The following MGRN1 variants were observed in gnomAD, a reference collection of about 807,000 sequenced individuals.
MGRN1 encodes the protein E3 ubiquitin-protein ligase MGRN1.
A neutral mutation model predicts 69.2 loss-of-function variants in MGRN1; 29 were observed. The ratio of observed to expected loss-of-function variants is 0.42; its 90% CI spans 0.31 to 0.57. The LOEUF (loss-of-function observed/expected upper bound fraction) is 0.57, where lower values mean the gene tolerates loss of function less well. MGRN1 is among the 20% of genes least tolerant of loss of function. The pLI is 0.15. For missense variants in MGRN1, 998 were observed against 796.2 expected (o/e 1.25, Z -3.05); for synonymous variants, 470 against 344.2 (o/e 1.37, Z -4.04).
At chr16:4,687,253 T>C in intron 16 of MGRN1, 1 of 985,366 alleles carries the variant, frequency 1.0e-6, no homozygotes, top group Non-Finnish European at 1.2e-6. Context: ...GGTGAGTGTT[T>C]TACAGAAGGC....
chr16:4,643,174 T>TTGTGATC (rs1262273892), intron 1 of MGRN1, among the ~76,000 whole-genome samples: 1 of 152,012 alleles, frequency 6.6e-6, no homozygotes, highest in Non-Finnish European at 1.5e-5. Context: ...CAGGCTGGTC[T>TTGTGATC]CAATCTCGAT....
At chr16:4,686,409 G>A (rs1275915025) in intron 16 of MGRN1, 3 of 1,471,992 alleles carry the variant, frequency 2.0e-6, no homozygotes, top group East Asian at 2.6e-5. Context: ...TTGGGTCTTC[G>A]TCCGCATCCG....
intron 1 of MGRN1, among the ~76,000 whole-genome samples, chr16:4,626,292 A>G (rs1897675170): frequency 1.3e-5 from 2 of 152,338 alleles, no homozygotes; most frequent in East Asian, 1.9e-4. Context: ...CAGGCCCAGC[A>G]GCGGGTCAGC....
chr16:4,679,759 A>G lies in MGRN1; in HGVS notation c.1066-273A>G, dbSNP rs1478866576. The stretch of plus-strand genomic sequence containing the variant: ...CCAAATCTGTTGCCCCAGGTGACCC[A>G]GACTGCGGGGGGACAGGCAATGGGG... On this transcript the variant is annotated intron_variant, in intron 11 of 16. Coordinates refer to ENST00000262370, the MANE Select transcript of MGRN1 (RefSeq NM_015246.4). Among the ~76,000 whole-genome samples, 3 of 152,196 alleles carry G rather than the reference A, an allele frequency of 2.0e-5. No individual in the cohort carries two copies. The East Asian group carries it at 5.8e-4, about 29-fold the overall frequency.
Position 4,683,132 on chromosome 16 carries a change from G to C in MGRN1, c.1483-92G>C, listed in dbSNP as rs558599390. 933 of 1,553,444 alleles carry C rather than the reference G, an allele frequency of 6.0e-4. 1 individual carries two copies. The highest frequency in any genetic ancestry group is 7.9e-4 in the Non-Finnish European group (890 of 1,132,598). ...GCACCCCCTGGTGGAGCGGCTGTGC[G>C]GTCCCGGGAGGGCCGTGCCTGATGG... On this transcript the variant is annotated intron_variant, in intron 14 of 16. Coordinates refer to ENST00000262370, the MANE Select transcript of MGRN1 (RefSeq NM_015246.4).
At chr16:4,673,445 GC>G in intron 9 of MGRN1, 52 bp from the exon 10 acceptor site, 1 of 1,587,542 alleles carries the variant, frequency 6.3e-7, no homozygotes, top group Non-Finnish European at 8.6e-7. Flanking sequence ...GGAAGCAGGA[GC>G]CGTACTCTGG....
In MGRN1 at chr16:4,681,577, G is replaced by A. The variant is rs369202298; in HGVS notation, c.1159G>A (p.Glu387Lys). The change falls in exon 13 of 17, where the codon GAG (glutamate) becomes AAG (lysine). Residue 387 changes from glutamate to lysine, a missense_variant. By Grantham distance (56) the Glu-to-Lys change is moderately conservative (BLOSUM62 1). Transcript: ENST00000262370. Reference sequence around the variant, plus strand: ...CTCTGACAGCGTCCCACCTGGCTACGAGCCCATCTCGCTGCTCGAGGCGCT... The same window carrying A: ...CTCTGACAGCGTCCCACCTGGCTACAAGCCCATCTCGCTGCTCGAGGCGCT... ...TNSDSVPPGY[E>K]PISLLEALNG... The A allele has an allele frequency of 3.7e-6, 6 of 1,613,208 alleles. No individual in the cohort carries two copies. Among genetic ancestry groups the A allele is most frequent in the African/African-American group, 1.3e-5 (1 of 74,950 alleles).
At chr16:4,627,276 G>A (rs559177275) in intron 1 of MGRN1, among the ~76,000 whole-genome samples, 2 of 152,334 alleles carry the variant, frequency 1.3e-5, no homozygotes, top group Admixed American at 1.3e-4. Context: ...AAGAGTCACT[G>A]GGTGGTAATA....
rs1045518 is a variant in MGRN1 at position 4,690,440 on chromosome 16, G to C, written c.*1532G>C. ...GGCTCACGGTGGCTCCGAGCATGAGGTCCGCCTCCTGGGCGAGACCCAGCA... is the reference window on the plus strand; with the variant it reads ...GGCTCACGGTGGCTCCGAGCATGAGCTCCGCCTCCTGGGCGAGACCCAGCA... On this transcript the variant is annotated 3_prime_UTR_variant, in exon 17 of 17. Transcript: ENST00000262370. The C allele has an allele frequency of 0.54, 81,798 of 151,602 alleles. 22,354 individuals are homozygous for C. Among genetic ancestry groups the C allele is most frequent in the East Asian group, 0.65 (3,313 of 5,118 alleles). The allele number at this position is 151,602 out of a possible 1,614,324, so 9.4% of individuals were successfully genotyped here.
intron 1 of MGRN1, among the ~76,000 whole-genome samples, chr16:4,628,835 A>G (rs1429645653): frequency 3.3e-5 from 5 of 150,462 alleles, no homozygotes; most frequent in Non-Finnish European, 7.4e-5. Context: ...GTGAGCCACT[A>G]TGCCCAGCCT....
intron 5 of MGRN1, among the ~76,000 whole-genome samples, chr16:4,658,007 G>A (rs920051403): frequency 1.3e-5 from 2 of 151,336 alleles, no homozygotes; most frequent in Non-Finnish European, 2.9e-5. Flanking sequence ...CTCCCAAAGT[G>A]CTGGGATTAC....
At position 4,689,617 on chromosome 16, in the gene MGRN1, G is replaced by T. The variant is rs1041940934; in HGVS notation, c.*709G>T. The T allele has an allele frequency of 6.6e-6, 1 of 152,312 alleles. No individual in the cohort carries two copies. Among genetic ancestry groups the T allele is most frequent in the African/African-American group, 2.4e-5 (1 of 41,472 alleles). The allele number at this position is 152,312 out of a possible 1,614,324, so 9.4% of individuals were successfully genotyped here. On this transcript the variant is annotated 3_prime_UTR_variant, in exon 17 of 17. Coordinates refer to ENST00000262370, the MANE Select transcript of MGRN1 (RefSeq NM_015246.4). ...CAGCATTCAGTGGCCTTGTCACCAAGCTCCACACCTCCTCCTGGTGCTGGC... is the reference window on the plus strand; with the variant it reads ...CAGCATTCAGTGGCCTTGTCACCAATCTCCACACCTCCTCCTGGTGCTGGC...
At chr16:4,627,569 C>T (rs916497335) in intron 1 of MGRN1, among the ~76,000 whole-genome samples, 50 of 152,130 alleles carry the variant, frequency 3.3e-4, no homozygotes, top group African/African-American at 1.1e-3. Flanking sequence ...GGGCGGATCA[C>T]AAGGTCAGGA....
intron 8 of MGRN1, among the ~76,000 whole-genome samples, chr16:4,668,877 CACATAT>C (rs2078873684): frequency 6.6e-6 from 1 of 152,150 alleles, no homozygotes; most frequent in African/African-American, 2.4e-5. Flanking sequence ...TATACTCATA[CACATAT>C]ACATAGACAC....
chr16:4,690,802 C>G lies in MGRN1; in HGVS notation c.*1894C>G, dbSNP rs2079441529. ...CCCCTGCACCGCCCGCCCCCCGCCC[C>G]CACCAAGGCCCCAGCCTCTGGCCAT... On this transcript the variant is annotated 3_prime_UTR_variant, in exon 17 of 17. Coordinates refer to ENST00000262370, the MANE Select transcript of MGRN1 (RefSeq NM_015246.4). 7.0e-6 allele frequency: 1 copy of G among 143,460 alleles called. No individual in the cohort carries two copies. Among genetic ancestry groups the G allele is most frequent in the South Asian group, 2.4e-4 (1 of 4,114 alleles). The allele number at this position is 143,460 out of a possible 1,614,324, so 8.9% of individuals were successfully genotyped here.
chr16:4,681,201 G>C, intron 12 of MGRN1: 1 of 299,908 alleles, frequency 3.3e-6, no homozygotes, highest in Non-Finnish European at 6.3e-6. Context: ...CTCTGCCCCC[G>C]CTCCCAGCTC....
intron 10 of MGRN1, among the ~76,000 whole-genome samples, chr16:4,674,432 C>A (rs1341769159): frequency 6.7e-6 from 1 of 148,956 alleles, no homozygotes; most frequent in Non-Finnish European, 1.5e-5. Flanking sequence ...GGGATTACAG[C>A]CCTGCACCAC....
intron 14 of MGRN1, 135 bp from the exon 15 acceptor site, chr16:4,683,089 C>T (rs1424544952): frequency 2.7e-6 from 4 of 1,505,550 alleles, no homozygotes; most frequent in Admixed American, 1.9e-5. Flanking sequence ...GGCTCCTTAG[C>T]CTCGGTCTGT....
chr16:4,686,635 C>T (rs988627934), intron 16 of MGRN1: 2 of 1,150,556 alleles, frequency 1.7e-6, no homozygotes, highest in Non-Finnish European at 2.1e-6. Flanking sequence ...TGCGCCAGAG[C>T]CACTGTCCAC....
Sources: gnomAD v4.1 joint callset for allele counts (sites outside exome capture counted in the v4.1 genomes callset) on GRCh38, gnomAD v4.1.1 for gene constraint, MANE v1.5 for transcripts, NCBI Gene and HGNC (gene_info 2026-07-23, HGNC 2026-07-21) for gene names.